The following JARID2 variants were observed in gnomAD, a reference collection of about 807,000 sequenced individuals.
JARID2 encodes the protein protein Jumonji.
A neutral mutation model predicts 125.6 loss-of-function variants in JARID2; 21 were observed. The ratio of observed to expected loss-of-function variants is 0.17; its 90% CI spans 0.12 to 0.24. The LOEUF (loss-of-function observed/expected upper bound fraction) is 0.24, where lower values mean the gene tolerates loss of function less well. Among genes scored for constraint, JARID2 ranks in the 10% least tolerant of loss-of-function variants. JARID2 has a pLI of 1.00. For missense variants in JARID2, 1,303 were observed against 1,639.6 expected (o/e 0.79, Z 3.55); for synonymous variants, 736 against 661.6 (o/e 1.11, Z -1.73).
At chr6:15,380,386 G>A (rs958457273) in intron 2 of JARID2, among the ~76,000 whole-genome samples, 4 of 152,124 alleles carry the variant, frequency 2.6e-5, no homozygotes, top group African/African-American at 9.7e-5. Flanking sequence ...GGCATGGTAA[G>A]TATTTATTGA....
chr6:15,407,389 C>G (rs1038239550), intron 2 of JARID2, among the ~76,000 whole-genome samples: 2 of 152,188 alleles, frequency 1.3e-5, no homozygotes, highest in Non-Finnish European at 1.5e-5. Flanking sequence ...TTGAGAGTCA[C>G]TTCTCTTTAC....
At chr6:15,254,446 A>G (rs557038438) in intron 1 of JARID2, among the ~76,000 whole-genome samples, 4 of 152,306 alleles carry the variant, frequency 2.6e-5, no homozygotes, top group South Asian at 4.1e-4. Context: ...TGGGCCATCC[A>G]TTAAACAAAG....
At chr6:15,428,890 A>C (rs950686655) in intron 3 of JARID2, among the ~76,000 whole-genome samples, 19 of 148,994 alleles carry the variant, frequency 1.3e-4, no homozygotes, top group Non-Finnish European at 2.2e-4. Flanking sequence ...TGGGGGACAC[A>C]GCGAGACTCT....
intron 1 of JARID2, among the ~76,000 whole-genome samples, chr6:15,305,672 T>C (rs1761793353): frequency 6.6e-6 from 1 of 152,192 alleles, no homozygotes; most frequent in Non-Finnish European, 1.5e-5. Flanking sequence ...GACACCATTG[T>C]TGACTGAAAA....
At chr6:15,431,414 G>A (rs976154990) in intron 3 of JARID2, among the ~76,000 whole-genome samples, 1 of 152,132 alleles carries the variant, frequency 6.6e-6, no homozygotes, top group African/African-American at 2.4e-5. Flanking sequence ...AATTGTTTGA[G>A]GCCAAGGAGA....
chr6:15,378,707 TGAAAA>T (rs1427076242), intron 2 of JARID2, among the ~76,000 whole-genome samples: 2 of 152,200 alleles, frequency 1.3e-5, no homozygotes, highest in African/African-American at 4.8e-5. Flanking sequence ...ATAGGAATAT[TGAAAA>T]GAAGATGTTT....
intron 1 of JARID2, among the ~76,000 whole-genome samples, chr6:15,301,739 A>G (rs1289749701): frequency 1.3e-5 from 2 of 152,248 alleles, no homozygotes; most frequent in Non-Finnish European, 2.9e-5. Context: ...AATTATGTGG[A>G]TACTCAAGCA....
At chr6:15,416,387 G>T (rs1163292092) in intron 3 of JARID2, among the ~76,000 whole-genome samples, 5 of 152,222 alleles carry the variant, frequency 3.3e-5, no homozygotes, top group African/African-American at 1.2e-4. Context: ...CTGCACTCCA[G>T]CCTGGGCACC....
At chr6:15,413,317 A>G (rs947959002) in intron 3 of JARID2, among the ~76,000 whole-genome samples, 16 of 152,120 alleles carry the variant, frequency 1.1e-4, no homozygotes, top group African/African-American at 1.7e-4. Context: ...CCGGCAGGGA[A>G]GAGCTTTTAA....
chr6:15,440,760 TCA>T (rs1464395303), intron 3 of JARID2, among the ~76,000 whole-genome samples: 3 of 152,252 alleles, frequency 2.0e-5, no homozygotes, highest in Non-Finnish European at 4.4e-5. Flanking sequence ...TGTTTCAGCA[TCA>T]GAGAGCTCAA....
At chr6:15,420,216 A>T (rs148336771) in intron 3 of JARID2, among the ~76,000 whole-genome samples, 127 of 152,284 alleles carry the variant, frequency 8.3e-4, no homozygotes, top group African/African-American at 2.9e-3. Context: ...CTTCCTGGCC[A>T]ACATGGTGAA....
intron 3 of JARID2, among the ~76,000 whole-genome samples, chr6:15,450,490 A>T (rs917856678): frequency 6.6e-6 from 1 of 152,048 alleles, no homozygotes; most frequent in Non-Finnish European, 1.5e-5. Flanking sequence ...TTTATTAGTT[A>T]ATTGTCTTGA....
intron 2 of JARID2, among the ~76,000 whole-genome samples, chr6:15,408,136 T>A (rs773867539): frequency 6.6e-6 from 1 of 152,042 alleles, no homozygotes; most frequent in Non-Finnish European, 1.5e-5. Context: ...TGGTGGCATG[T>A]GTCTGCGGTC....
Position 15,246,353 on chromosome 6 carries a change from T to A in JARID2, c.-187T>A, listed in dbSNP as rs139537583. On this transcript the variant is annotated 5_prime_UTR_variant, in exon 1 of 18. Transcript: ENST00000341776. ...TCGTTCGTCTTTGGCTCTTTTTTTTTCCTTCCCAATTTCGGATTTATTTCA... is the reference window on the plus strand; with the variant it reads ...TCGTTCGTCTTTGGCTCTTTTTTTTACCTTCCCAATTTCGGATTTATTTCA... The A allele has an allele frequency of 1.7e-6, 1 of 579,040 alleles. No individual in the cohort carries two copies. Among genetic ancestry groups the A allele is most frequent in the African/African-American group, 1.9e-5 (1 of 52,212 alleles). The allele number at this position is 579,040 out of a possible 1,614,324, so 35.9% of individuals were successfully genotyped here.
chr6:15,496,360 A>G lies in JARID2; in HGVS notation c.1135A>G (p.Thr379Ala). The stretch of plus-strand genomic sequence containing the variant: ...TGTCAACCACACAATCTCAGGGAAA[A>G]CTGAAAGTAGCAATGCAAAAACCCG... The part of the protein sequence containing the change: ...SAVNHTISGK[T>A]ESSNAKTRKQ... The change falls in exon 7 of 18, where the codon ACT becomes GCT. Residue 379 changes from threonine to alanine, a missense_variant. Thr to Ala is a moderately conservative substitution (Grantham distance 58). This residue lies in a region of JARID2 where 651 missense variants were observed against 581.6 expected (regional missense o/e 1.12). Transcript: ENST00000341776. The G allele has an allele frequency of 6.2e-7, 1 of 1,614,134 alleles. No individual in the cohort carries two copies. The highest frequency in any genetic ancestry group is 1.1e-5 in the South Asian group (1 of 91,082).
intron 16 of JARID2, 39 bp from the exon 17 acceptor site, chr6:15,517,122 C>G (rs757322610): frequency 1.2e-4 from 177 of 1,495,414 alleles, no homozygotes; most frequent in Non-Finnish European, 1.6e-4. Context: ...CGCTGTGGAG[C>G]TGCCTCCTGA....
At chr6:15,363,752 C>T (rs1763879056) in intron 1 of JARID2, among the ~76,000 whole-genome samples, 1 of 152,140 alleles carries the variant, frequency 6.6e-6, no homozygotes, top group Non-Finnish European at 1.5e-5. Context: ...GCTTGGTGGA[C>T]ACACGTTATT....
intron 1 of JARID2, among the ~76,000 whole-genome samples, chr6:15,283,236 C>G (rs1437544746): frequency 1.3e-5 from 2 of 150,774 alleles, no homozygotes; most frequent in Non-Finnish European, 2.9e-5. Flanking sequence ...CCTTGGCCTC[C>G]CAAAGTGCTG....
intron 1 of JARID2, among the ~76,000 whole-genome samples, chr6:15,361,099 G>A (rs2127495310): frequency 6.6e-6 from 1 of 152,274 alleles, no homozygotes; most frequent in Non-Finnish European, 1.5e-5. Flanking sequence ...ATTCAGTGGA[G>A]GTGACTCCAT....
Sources: allele counts gnomAD v4.1 joint callset (sites outside exome capture counted in the v4.1 genomes callset), GRCh38; gene constraint gnomAD v4.1.1; regional missense constraint gnomAD v4.1.1; transcripts MANE v1.5; gene names NCBI Gene and HGNC (gene_info 2026-07-23, HGNC 2026-07-21).